Variants in NALF1 observed in about 807,000 individuals in gnomAD.
NALF1 encodes family with sequence similarity 155 member A.
A neutral mutation model predicts 48.4 loss-of-function variants in NALF1; 3 were observed. The ratio of observed to expected loss-of-function variants is 0.06; its 90% CI spans 0.03 to 0.16. The LOEUF (loss-of-function observed/expected upper bound fraction) is 0.16. Among genes scored for constraint, NALF1 ranks in the 10% least tolerant of loss-of-function variants. The probability of loss-of-function intolerance (pLI) is 1.00; values close to 1 mark genes in which losing one functional copy is unlikely to be tolerated. For missense variants in NALF1, 526 were observed against 571.5 expected (o/e 0.92, Z 0.81); for synonymous variants, 262 against 245.7 (o/e 1.07, Z -0.62).
At chr13:107,307,637 A>AG (rs1247734877) in intron 1 of NALF1, among the ~76,000 whole-genome samples, 1 of 132,458 alleles carries the variant, frequency 7.5e-6, no homozygotes, top group East Asian at 2.8e-4. Context: ...TTTTTTATTA[A>AG]AAAAAAAAAA....
At chr13:107,506,073 C>T (rs1875689082) in intron 1 of NALF1, among the ~76,000 whole-genome samples, 1 of 151,986 alleles carries the variant, frequency 6.6e-6, no homozygotes, top group African/African-American at 2.4e-5. Flanking sequence ...GACTTTTAAA[C>T]ATGTTTAATG....
intron 1 of NALF1, among the ~76,000 whole-genome samples, chr13:107,482,404 C>T (rs1244755641): frequency 1.3e-5 from 2 of 152,074 alleles, no homozygotes. Context: ...CTAATACACC[C>T]AGGGGCCTCG....
At chr13:107,788,589 A>G (rs1878139566) in intron 1 of NALF1, 1 of 152,050 alleles carries the variant, frequency 6.6e-6, no homozygotes, top group Non-Finnish European at 1.5e-5. Flanking sequence ...GTTTTTCCTC[A>G]TGTGTGATAA....
chr13:107,430,933 C>T (rs997864520), intron 1 of NALF1, among the ~76,000 whole-genome samples: 5 of 152,178 alleles, frequency 3.3e-5, no homozygotes, highest in Admixed American at 2.0e-4. Flanking sequence ...AAAAGTGTTC[C>T]TATTTCTCCA....
intron 1 of NALF1, among the ~76,000 whole-genome samples, chr13:107,545,922 C>T (rs1392425345): frequency 6.6e-6 from 1 of 152,182 alleles, no homozygotes. Flanking sequence ...CAGACTTCTT[C>T]CTCATAGCAA....
intron 1 of NALF1, among the ~76,000 whole-genome samples, chr13:107,652,205 T>C (rs985044064): frequency 2.3e-4 from 35 of 152,108 alleles, no homozygotes; most frequent in Admixed American, 9.2e-4. Flanking sequence ...GGAGATTGGA[T>C]TACCTAAGGA....
At chr13:107,332,998 A>G (rs568187282) in intron 1 of NALF1, among the ~76,000 whole-genome samples, 1 of 152,172 alleles carries the variant, frequency 6.6e-6, no homozygotes, top group Non-Finnish European at 1.5e-5. Context: ...GGTGCGTGCC[A>G]CCACACCCAG....
At chr13:107,281,323 G>C (rs1881381716) in intron 1 of NALF1, among the ~76,000 whole-genome samples, 2 of 152,232 alleles carry the variant, frequency 1.3e-5, no homozygotes, top group South Asian at 4.1e-4. Context: ...GAAATAATGA[G>C]GTATTTTGCA....
At chr13:107,591,043 A>T (rs1290818939) in intron 1 of NALF1, among the ~76,000 whole-genome samples, 2 of 152,042 alleles carry the variant, frequency 1.3e-5, no homozygotes, top group Non-Finnish European at 2.9e-5. Context: ...ATAACATGTA[A>T]ATGTAAAACT....
At chr13:107,587,444 C>G (rs1350756073) in intron 1 of NALF1, among the ~76,000 whole-genome samples, 3 of 152,082 alleles carry the variant, frequency 2.0e-5, no homozygotes, top group Non-Finnish European at 4.4e-5. Flanking sequence ...ACCTGTTTCT[C>G]TGTAATGAAA....
chr13:107,808,791 C>T (rs892279251), intron 1 of NALF1, among the ~76,000 whole-genome samples: 1 of 152,074 alleles, frequency 6.6e-6, no homozygotes, highest in Non-Finnish European at 1.5e-5. Flanking sequence ...ATCTCCCTGC[C>T]TCAGATCATA....
At chr13:107,328,059 T>G (rs1882398570) in intron 1 of NALF1, among the ~76,000 whole-genome samples, 1 of 152,014 alleles carries the variant, frequency 6.6e-6, no homozygotes, top group Non-Finnish European at 1.5e-5. Context: ...TAGCTGGGCC[T>G]ACAGGCATGT....
chr13:107,358,575 A>C (rs1440444748), intron 1 of NALF1, among the ~76,000 whole-genome samples: 1 of 152,176 alleles, frequency 6.6e-6, no homozygotes, highest in African/African-American at 2.4e-5. Context: ...AAGACGGGTT[A>C]AAGAAGAATC....
intron 1 of NALF1, among the ~76,000 whole-genome samples, chr13:107,270,186 C>G (rs561410200): frequency 8.0e-4 from 121 of 151,992 alleles, no homozygotes; most frequent in Non-Finnish European, 1.4e-3. Flanking sequence ...AATAATCAAG[C>G]TTTTTTCAGA....
chr13:107,181,610 A>T (rs529552716), intron 2 of NALF1, among the ~76,000 whole-genome samples: 1 of 123,042 alleles, frequency 8.1e-6, no homozygotes, highest in South Asian at 2.6e-4. Flanking sequence ...CTTACTATAT[A>T]GACTTTTTTT....
intron 1 of NALF1, among the ~76,000 whole-genome samples, chr13:107,625,525 T>C (rs1387907670): frequency 3.9e-5 from 6 of 152,106 alleles, no homozygotes; most frequent in Non-Finnish European, 8.8e-5. Context: ...TAGTGCTGCA[T>C]TTTATGTGAG....
chr13:107,227,793 C>T (rs1164283010), intron 1 of NALF1, among the ~76,000 whole-genome samples: 2 of 152,146 alleles, frequency 1.3e-5, no homozygotes, highest in Non-Finnish European at 2.9e-5. Context: ...TTGCACTTAG[C>T]TTATTTATTT....
chr13:107,395,766 T>G (rs1194787362), intron 1 of NALF1, among the ~76,000 whole-genome samples: 1 of 152,136 alleles, frequency 6.6e-6, no homozygotes, highest in Non-Finnish European at 1.5e-5. Flanking sequence ...TCTCATAGAC[T>G]TGTAGACGGC....
chr13:107,483,036 C>T (rs1414422379), intron 1 of NALF1, among the ~76,000 whole-genome samples: 5 of 152,036 alleles, frequency 3.3e-5, no homozygotes, highest in Admixed American at 1.3e-4. Flanking sequence ...TGGAGTTTTA[C>T]GTTTATTGGT....
Sources: gnomAD v4.1 joint callset for allele counts (sites outside exome capture counted in the v4.1 genomes callset) on GRCh38, gnomAD v4.1.1 for gene constraint, MANE v1.5 for transcripts, NCBI Gene and HGNC (gene_info 2026-07-23, HGNC 2026-07-21) for gene names.